KAZN: variants seen among roughly 807,000 people sequenced by gnomAD.
The protein encoded by KAZN is kazrin, periplakin interacting protein.
In KAZN, 40 loss-of-function variants were observed where a neutral mutation model predicts 87.4. The observed-to-expected ratio is 0.46, with a 90% CI of 0.36 to 0.60. The LOEUF (loss-of-function observed/expected upper bound fraction) is 0.60, where lower values mean the gene tolerates loss of function less well. KAZN is among the 20% of genes least tolerant of loss of function. KAZN has a pLI of 0.00. For missense variants in KAZN, 898 were observed against 1,073.9 expected (o/e 0.84, Z 2.29); for synonymous variants, 466 against 458.3 (o/e 1.02, Z -0.22).
At chr1:15,059,992 T>C (rs1638639102) in intron 5 of KAZN, among the ~76,000 whole-genome samples, 180 bp from the exon 6 acceptor site, 1 of 152,164 alleles carries the variant, frequency 6.6e-6, no homozygotes, top group South Asian at 2.1e-4. Context: ...CAGCAGCTGC[T>C]CTATGGGAAC....
chr1:14,344,331 GA>G (rs200107105), intron 2 of KAZN, among the ~76,000 whole-genome samples: 233 of 144,986 alleles, frequency 1.6e-3, no homozygotes, highest in African/African-American at 5.2e-3. Context: ...GACATAGTGT[GA>G]AAAAAAAAAG....
chr1:14,700,752 TG>T (rs1237979396), intron 1 of KAZN, among the ~76,000 whole-genome samples: 5 of 152,070 alleles, frequency 3.3e-5, no homozygotes, highest in South Asian at 4.1e-4. Flanking sequence ...CTGGCCAGGG[TG>T]GCTTCCTTGC....
intron 2 of KAZN, among the ~76,000 whole-genome samples, chr1:14,515,951 G>T (rs1459714660): frequency 6.6e-6 from 1 of 152,110 alleles, no homozygotes; most frequent in African/African-American, 2.4e-5. Flanking sequence ...ACAAAATCCT[G>T]TGTGCCTTCT....
chr1:13,978,566 A>G (rs943516413), intron 1 of KAZN, among the ~76,000 whole-genome samples: 11 of 151,712 alleles, frequency 7.3e-5, no homozygotes, highest in Non-Finnish European at 1.5e-4. Context: ...TTCAACAGAG[A>G]GGTTTAAAAG....
chr1:13,940,465 CTGTGG>C (rs983813585), intron 1 of KAZN, among the ~76,000 whole-genome samples: 1 of 152,132 alleles, frequency 6.6e-6, no homozygotes, highest in African/African-American at 2.4e-5. Flanking sequence ...TTTTATCTTT[CTGTGG>C]TGTCAGTTGT....
In KAZN at chr1:13,997,174, CAA is replaced by C. The variant is rs1639564189; in HGVS notation, c.91+103419_91+103420del. ...CAAACAGCAAAAACAACACCATCAT[CAA>C]CAACAACAACAACAACAACCCCCAC... On this transcript the variant is annotated intron_variant, in intron 1 of 16. Coordinates refer to the KAZN transcript ENST00000636203. 4.1e-5 allele frequency among the ~76,000 whole-genome samples: 3 copies of C among 72,494 alleles called. No individual in the cohort carries two copies. The South Asian group carries it at 1.1e-3, about 27-fold the overall frequency. The allele number at this position is 72,494 out of a possible 152,430, so 47.6% of individuals were successfully genotyped here.
At chr1:14,909,458 T>C (rs575347420) in intron 1 of KAZN, among the ~76,000 whole-genome samples, 4 of 152,352 alleles carry the variant, frequency 2.6e-5, no homozygotes, top group Admixed American at 2.6e-4. Flanking sequence ...TCCTCCCACC[T>C]AACTCGTAAC....
chr1:14,712,383 G>A (rs1378869628), intron 1 of KAZN, among the ~76,000 whole-genome samples: 1 of 152,188 alleles, frequency 6.6e-6, no homozygotes, highest in African/African-American at 2.4e-5. Context: ...GTCCTTGTCT[G>A]TGTTTTGGCT....
chr1:14,354,404 G>A (rs4113453), intron 2 of KAZN, among the ~76,000 whole-genome samples: 110,758 of 152,010 alleles, frequency 0.73, 41,094 homozygotes, highest in African/African-American at 0.85. Flanking sequence ...AATTTTCACA[G>A]TGCCTACATC....
intron 1 of KAZN, among the ~76,000 whole-genome samples, chr1:13,908,582 C>T (rs891122082): frequency 2.0e-5 from 3 of 152,154 alleles, no homozygotes; most frequent in African/African-American, 7.2e-5. Context: ...AACTTGGAGC[C>T]GTGTCGAAGC....
At chr1:14,556,879 C>T (rs1005383077) in intron 2 of KAZN, among the ~76,000 whole-genome samples, 1 of 152,176 alleles carries the variant, frequency 6.6e-6, no homozygotes, top group Non-Finnish European at 1.5e-5. Flanking sequence ...TCCCGAGGAC[C>T]CTTGCATGGC....
chr1:14,422,935 T>A (rs2101328304), intron 2 of KAZN, among the ~76,000 whole-genome samples: 1 of 152,362 alleles, frequency 6.6e-6, no homozygotes, highest in African/African-American at 2.4e-5. Context: ...AAACTCAGAT[T>A]GAGGCTTCTT....
chr1:14,835,040 A>C (rs1021214942), intron 1 of KAZN, among the ~76,000 whole-genome samples: 2 of 152,214 alleles, frequency 1.3e-5, no homozygotes, highest in Non-Finnish European at 2.9e-5. Context: ...TTATTTTGGC[A>C]AGCAGGCTTT....
chr1:14,681,440 C>T (rs987823041), intron 1 of KAZN, among the ~76,000 whole-genome samples: 2 of 151,464 alleles, frequency 1.3e-5, no homozygotes, highest in African/African-American at 4.9e-5. Context: ...GCCAGCCCAA[C>T]ACTGACATTT....
At chr1:14,790,987 G>A (rs567825829) in intron 1 of KAZN, among the ~76,000 whole-genome samples, 130 of 150,810 alleles carry the variant, frequency 8.6e-4, no homozygotes, top group Non-Finnish European at 1.5e-3. Flanking sequence ...CCACCGCACC[G>A]GCCCCCGCTG....
intron 1 of KAZN, among the ~76,000 whole-genome samples, chr1:14,694,523 A>G (rs1032126962): frequency 1.3e-5 from 2 of 152,212 alleles, no homozygotes; most frequent in Non-Finnish European, 2.9e-5. Context: ...CAAGTATAAT[A>G]TGCAAGGTGC....
intron 2 of KAZN, among the ~76,000 whole-genome samples, chr1:14,253,916 T>A (rs1650271218): frequency 7.3e-6 from 1 of 136,390 alleles, no homozygotes; most frequent in African/African-American, 2.7e-5. Flanking sequence ...AATGAATGGC[T>A]TCTATGAGCA....
rs1557663380 is a variant in KAZN at position 14,960,764 on chromosome 1, C to T, written c.307C>T (p.Leu103=). 2 of 1,606,448 alleles carry T rather than the reference C, an allele frequency of 1.2e-6. No individual in the cohort carries two copies. Among genetic ancestry groups the T allele is most frequent in the East Asian group, 2.2e-5 (1 of 44,670 alleles). ...GATGAAGGAGATGTTGGCGAAGGAC[C>T]TGGAGGAGTCGCAGGGCGGCAAGTC... ...RQMKEMLAKD[L]EESQGGKSSE... Residue 103 remains leucine, a synonymous_variant, in exon 2 of 15, where the codon CTG becomes TTG. Coordinates refer to ENST00000376030, the MANE Select transcript of KAZN (RefSeq NM_201628.3).
Position 14,468,176 on chromosome 1 carries a change from CTA to C in KAZN, c.250-130805_250-130804del, listed in dbSNP as rs201977066. Reference sequence around the variant, plus strand: ...TGGAAAAAAAGTCAAGCTAAAAAATCTATGAGGTGTTCAAACGTTTGTCTTTA... The same window carrying C: ...TGGAAAAAAAGTCAAGCTAAAAAATCTGAGGTGTTCAAACGTTTGTCTTTA... On this transcript the variant is annotated intron_variant, in intron 2 of 16. Transcript: ENST00000636203. 9.1e-3 allele frequency among the ~76,000 whole-genome samples: 1,388 copies of C among 152,250 alleles called. 24 individuals are homozygous for C. Among genetic ancestry groups the C allele is most frequent in the African/African-American group, 0.032 (1,330 of 41,552 alleles).
Sources: allele counts gnomAD v4.1 joint callset (sites outside exome capture counted in the v4.1 genomes callset), GRCh38; gene constraint gnomAD v4.1.1; transcripts MANE v1.5; gene names NCBI Gene and HGNC (gene_info 2026-07-23, HGNC 2026-07-21).